The following LUZP2 variants were observed in gnomAD, a reference collection of about 807,000 sequenced individuals.
LUZP2 encodes leucine zipper protein 2.
In LUZP2, 52 loss-of-function variants were observed where a neutral mutation model predicts 51.6. That is an observed-to-expected ratio of 1.01 (90% CI 0.81 to 1.27). LUZP2 has a LOEUF of 1.27. LUZP2 is among the 50% of genes most tolerant of loss of function. LUZP2 has a pLI of 0.00. For missense variants in LUZP2, 436 were observed against 395.4 expected, an observed-to-expected ratio of 1.10 and a Z score of -0.87; for synonymous variants, 154 against 137.3, an observed-to-expected ratio of 1.12 and a Z score of -0.85.
chr11:24,868,947 A>C (rs1851974251), intron 5 of LUZP2, among the ~76,000 whole-genome samples: 1 of 152,214 alleles, frequency 6.6e-6, no homozygotes, highest in South Asian at 2.1e-4. Context: ...TTGTAGAGAG[A>C]GAACAAGTAG....
chr11:25,009,358 A>G (rs1262169386), intron 9 of LUZP2, among the ~76,000 whole-genome samples: 1 of 152,192 alleles, frequency 6.6e-6, no homozygotes, highest in East Asian at 1.9e-4. Context: ...GACTTTGGCT[A>G]TGAGTTATGT....
chr11:25,015,636 A>T (rs963124922), intron 9 of LUZP2, among the ~76,000 whole-genome samples: 2 of 152,174 alleles, frequency 1.3e-5, no homozygotes, highest in East Asian at 3.9e-4. Flanking sequence ...GGAGTTACAG[A>T]TTTTTGTAAA....
intron 5 of LUZP2, among the ~76,000 whole-genome samples, chr11:24,843,196 C>T (rs1378117241): frequency 6.6e-6 from 1 of 151,758 alleles, no homozygotes; most frequent in African/African-American, 2.4e-5. Flanking sequence ...GGTGATTTAA[C>T]AGAGCCATTA....
intron 6 of LUZP2, among the ~76,000 whole-genome samples, chr11:24,910,415 A>G (rs1853589446): frequency 6.6e-6 from 1 of 152,162 alleles, no homozygotes; most frequent in Admixed American, 6.5e-5. Flanking sequence ...CCAGAGGTCT[A>G]GGAGGGAAAA....
Position 24,550,938 on chromosome 11 carries a change from G to C in LUZP2, c.62+53633G>C, listed in dbSNP as rs958275771. 2.0e-5 allele frequency among the ~76,000 whole-genome samples: 3 copies of C among 151,190 alleles called. No individual in the cohort carries two copies. The South Asian group carries it at 6.2e-4, about 31-fold the overall frequency. On this transcript the variant is annotated intron_variant, in intron 1 of 11. Transcript: ENST00000336930. Reference sequence around the variant, plus strand: ...ATCCTGGGCAAGAGAGCAAGATCCTGTCTCAAAAACAAACAAACACACACA... The same window carrying C: ...ATCCTGGGCAAGAGAGCAAGATCCTCTCTCAAAAACAAACAAACACACACA...
At chr11:24,502,689 C>T (rs1850034654) in intron 1 of LUZP2, among the ~76,000 whole-genome samples, 1 of 152,010 alleles carries the variant, frequency 6.6e-6, no homozygotes, top group Non-Finnish European at 1.5e-5. Context: ...CCCAGCCCCT[C>T]CAAAGTGTTT....
At chr11:24,634,509 T>A (rs891619738) in intron 1 of LUZP2, among the ~76,000 whole-genome samples, 1 of 152,100 alleles carries the variant, frequency 6.6e-6, no homozygotes, top group African/African-American at 2.4e-5. Flanking sequence ...ATTTTCTTTC[T>A]GGTTTTTCAA....
chr11:24,891,742 G>C lies in LUZP2; in HGVS notation c.397-14249G>C, dbSNP rs1044790180. 2.9e-5 allele frequency: 25 copies of C among 855,372 alleles called. No individual in the cohort carries two copies. The African/African-American group carries it at 4.2e-4, about 14-fold the overall frequency. The allele number at this position is 855,372 out of a possible 1,614,324, so 53.0% of individuals were successfully genotyped here. A position where few individuals can be genotyped will look rare whatever the true frequency, so the allele number is the denominator to read the frequency against. On this transcript the variant is annotated intron_variant, in intron 5 of 11. Coordinates refer to ENST00000336930, the MANE Select transcript of LUZP2 (RefSeq NM_001009909.4). ...TAGAATCTGAGTTAAATGTGCCATT[G>C]TTCTTCCCCAGATAACTTTTTGGAG... is the stretch of plus-strand genomic sequence containing the variant.
chr11:24,832,897 T>A (rs2631490), intron 5 of LUZP2, among the ~76,000 whole-genome samples: 2 of 152,002 alleles, frequency 1.3e-5, no homozygotes, highest in African/African-American at 4.8e-5. Context: ...TTTAGTCCCC[T>A]GTATAATGAG....
At chr11:24,838,833 T>A (rs1850937210) in intron 5 of LUZP2, among the ~76,000 whole-genome samples, 1 of 151,688 alleles carries the variant, frequency 6.6e-6, no homozygotes, top group Non-Finnish European at 1.5e-5. Context: ...AAAATATGTA[T>A]GTAAAGAAAT....
chr11:25,026,434 G>A (rs961702604), intron 9 of LUZP2, among the ~76,000 whole-genome samples: 18 of 152,126 alleles, frequency 1.2e-4, no homozygotes, highest in African/African-American at 2.4e-5. Flanking sequence ...ATTAGATTGT[G>A]AATACTATTC....
intron 1 of LUZP2, among the ~76,000 whole-genome samples, chr11:24,713,999 T>C (rs1857942659): frequency 6.6e-6 from 1 of 150,930 alleles, no homozygotes; most frequent in Non-Finnish European, 1.5e-5. Context: ...CCTGGCCAAA[T>C]CTGTCTTTTT....
chr11:24,840,147 G>A (rs1230651353), intron 5 of LUZP2, among the ~76,000 whole-genome samples: 1 of 151,738 alleles, frequency 6.6e-6, no homozygotes, highest in Non-Finnish European at 1.5e-5. Flanking sequence ...TAAGAGCTCA[G>A]GATCTGTAGA....
chr11:25,044,153 TATAG>T (rs1192651534), intron 9 of LUZP2, among the ~76,000 whole-genome samples: 140 of 80,174 alleles, frequency 1.7e-3, no homozygotes, highest in Non-Finnish European at 3.6e-3. Context: ...GTATATATAC[TATAG>T]ATATAGTGTC....
chr11:24,984,400 A>G (rs577968804), intron 9 of LUZP2, among the ~76,000 whole-genome samples: 2 of 150,896 alleles, frequency 1.3e-5, no homozygotes, highest in African/African-American at 2.4e-5. Flanking sequence ...CTTATGAACT[A>G]CAAAGATTTA....
At chr11:25,049,870 ATGG>A (rs1210978045) in intron 9 of LUZP2, among the ~76,000 whole-genome samples, 165 bp from the exon 10 acceptor site, 1 of 152,126 alleles carries the variant, frequency 6.6e-6, no homozygotes, top group Non-Finnish European at 1.5e-5. Flanking sequence ...GGTATATTTT[ATGG>A]TCTCTGATAT....
intron 9 of LUZP2, among the ~76,000 whole-genome samples, chr11:24,998,610 G>C (rs1030719235): frequency 1.4e-4 from 21 of 152,144 alleles, no homozygotes; most frequent in Non-Finnish European, 2.6e-4. Flanking sequence ...ATAAAAATCA[G>C]ATTTTTAGAA....
At chr11:24,721,755 A>G (rs1392031791) in intron 1 of LUZP2, among the ~76,000 whole-genome samples, 1 of 152,164 alleles carries the variant, frequency 6.6e-6, no homozygotes, top group Non-Finnish European at 1.5e-5. Context: ...AAACCCAAAC[A>G]ATGTTTTATT....
At chr11:25,034,378 GT>G (rs1857787206) in intron 9 of LUZP2, among the ~76,000 whole-genome samples, 1 of 152,010 alleles carries the variant, frequency 6.6e-6, no homozygotes, top group African/African-American at 2.4e-5. Flanking sequence ...TAGGTTGTCT[GT>G]TTTGTTGATA....
Sources: allele counts gnomAD v4.1 joint callset (sites outside exome capture counted in the v4.1 genomes callset), GRCh38; gene constraint gnomAD v4.1.1; transcripts MANE v1.5; gene names NCBI Gene and HGNC (gene_info 2026-07-23, HGNC 2026-07-21).